TMEM108: variants seen among roughly 807,000 people sequenced by gnomAD.
TMEM108 encodes the protein cancer/testis antigen 124.
A neutral mutation model predicts 35.1 loss-of-function variants in TMEM108; 12 were observed. The ratio of observed to expected loss-of-function variants is 0.34; its 90% CI spans 0.22 to 0.55. The LOEUF (loss-of-function observed/expected upper bound fraction) is 0.55, where lower values mean the gene tolerates loss of function less well. TMEM108 is among the 20% of genes least tolerant of loss of function. The pLI is 0.89. For synonymous variants in TMEM108, 287 were observed against 308.6 expected (o/e 0.93, Z 0.73); for missense variants, 680 against 753.3 (o/e 0.90, Z 1.14).
At chr3:133,296,184 G>A (rs1314703133) in intron 3 of TMEM108, among the ~76,000 whole-genome samples, 3 of 152,088 alleles carry the variant, frequency 2.0e-5, no homozygotes, top group Admixed American at 6.6e-5. Flanking sequence ...TCATGTTTAA[G>A]TTTTCTAAAG....
intron 2 of TMEM108, among the ~76,000 whole-genome samples, chr3:133,149,342 A>C (rs928708551): frequency 6.6e-6 from 1 of 152,218 alleles, no homozygotes; most frequent in Admixed American, 6.5e-5. Flanking sequence ...CCATCACCTC[A>C]TATGCTCACC....
intron 2 of TMEM108, among the ~76,000 whole-genome samples, chr3:133,104,083 T>C (rs1448067165): frequency 6.6e-6 from 1 of 152,222 alleles, no homozygotes; most frequent in Non-Finnish European, 1.5e-5. Context: ...AAGGAGAAAG[T>C]ACTACTGGGT....
intron 2 of TMEM108, among the ~76,000 whole-genome samples, chr3:133,189,487 C>T (rs1316831484): frequency 6.6e-6 from 1 of 152,184 alleles, no homozygotes; most frequent in Admixed American, 6.6e-5. Context: ...TTGTTCCTGT[C>T]TACCAAGTCT....
chr3:133,202,510 T>A (rs1945685065), intron 2 of TMEM108, among the ~76,000 whole-genome samples: 2 of 152,230 alleles, frequency 1.3e-5, no homozygotes, highest in Non-Finnish European at 1.5e-5. Context: ...TTTCTGCATA[T>A]GGCTAGCTAG....
chr3:133,270,813 ACACACACT>A (rs1946760313), intron 3 of TMEM108, among the ~76,000 whole-genome samples: 1 of 150,822 alleles, frequency 6.6e-6, no homozygotes, highest in African/African-American at 2.4e-5. Flanking sequence ...ACACACACAC[ACACACACT>A]CACACACTCA....
At chr3:133,188,259 T>C (rs1164009187) in intron 2 of TMEM108, among the ~76,000 whole-genome samples, 2 of 152,182 alleles carry the variant, frequency 1.3e-5, no homozygotes, top group Non-Finnish European at 2.9e-5. Context: ...AGTGGTGTTG[T>C]AGTAGGATAA....
chr3:133,293,569 C>T (rs1947102690), intron 3 of TMEM108, among the ~76,000 whole-genome samples: 1 of 151,924 alleles, frequency 6.6e-6, no homozygotes, highest in African/African-American at 2.4e-5. Flanking sequence ...ATCTCACCAA[C>T]TTCCTGCCTT....
chr3:133,116,147 T>C (rs974290188), intron 2 of TMEM108, among the ~76,000 whole-genome samples: 1 of 152,186 alleles, frequency 6.6e-6, no homozygotes, highest in East Asian at 1.9e-4. Flanking sequence ...CATCATCTCA[T>C]CTCTTCTTAA....
At chr3:133,327,335 C>T (rs561182526) in intron 3 of TMEM108, among the ~76,000 whole-genome samples, 2 of 152,292 alleles carry the variant, frequency 1.3e-5, no homozygotes, top group East Asian at 3.9e-4. Flanking sequence ...AGGTCCCTGG[C>T]CTGGGCCTCA....
chr3:133,384,333 A>T (rs924171539), intron 4 of TMEM108, among the ~76,000 whole-genome samples: 2 of 152,182 alleles, frequency 1.3e-5, no homozygotes, highest in Non-Finnish European at 2.9e-5. Context: ...CAGAGTCAGA[A>T]TTCAGATGGG....
chr3:133,391,803 T>G (rs780108188), intron 5 of TMEM108, among the ~76,000 whole-genome samples: 5 of 152,190 alleles, frequency 3.3e-5, no homozygotes, highest in Non-Finnish European at 7.3e-5. Flanking sequence ...AGGCCTTCCT[T>G]AACCTGCCAG....
intron 3 of TMEM108, among the ~76,000 whole-genome samples, chr3:133,335,367 T>A (rs1473055758): frequency 1.3e-5 from 2 of 152,106 alleles, no homozygotes; most frequent in Non-Finnish European, 2.9e-5. Flanking sequence ...CAGAACAAGG[T>A]AGTAGTGGCA....
chr3:133,237,445 C>A (rs1470137762), intron 3 of TMEM108, among the ~76,000 whole-genome samples: 1 of 152,114 alleles, frequency 6.6e-6, no homozygotes, highest in African/African-American at 2.4e-5. Flanking sequence ...TTGTCCTATT[C>A]TCAGGTCTTC....
intron 2 of TMEM108, among the ~76,000 whole-genome samples, chr3:133,186,461 T>A (rs1945423062): frequency 6.6e-6 from 1 of 152,204 alleles, no homozygotes. Flanking sequence ...TGTAAACTGG[T>A]TTTAAAAGGC....
chr3:133,295,677 G>A (rs1947135966), intron 3 of TMEM108, among the ~76,000 whole-genome samples: 1 of 152,168 alleles, frequency 6.6e-6, no homozygotes, highest in African/African-American at 2.4e-5. Flanking sequence ...CTGATCCTGT[G>A]GGACATTGAG....
chr3:133,085,282 C>G (rs1290083110), intron 2 of TMEM108, among the ~76,000 whole-genome samples: 2 of 152,146 alleles, frequency 1.3e-5, no homozygotes, highest in Non-Finnish European at 2.9e-5. Context: ...TACCCCATTT[C>G]CTCTGCCTTA....
intron 3 of TMEM108, among the ~76,000 whole-genome samples, chr3:133,234,854 ATTG>A (rs1173513647): frequency 2.0e-5 from 3 of 152,160 alleles, no homozygotes; most frequent in Non-Finnish European, 2.9e-5. Context: ...AGAAAACCCC[ATTG>A]TCCTCTCAGC....
intron 3 of TMEM108, among the ~76,000 whole-genome samples, chr3:133,278,440 ATG>A (rs1946867198): frequency 6.6e-6 from 1 of 152,338 alleles, no homozygotes; most frequent in African/African-American, 2.4e-5. Flanking sequence ...GTTCTGAGAA[ATG>A]TGTGTAGGTG....
At chr3:133,383,879 A>G (rs912666629) in intron 4 of TMEM108, among the ~76,000 whole-genome samples, 1 of 152,184 alleles carries the variant, frequency 6.6e-6, no homozygotes, top group Non-Finnish European at 1.5e-5. Context: ...TCCACTATAC[A>G]CAAGGAGGCT....
Sources: allele counts gnomAD v4.1 joint callset (sites outside exome capture counted in the v4.1 genomes callset), GRCh38; gene constraint gnomAD v4.1.1; transcripts MANE v1.5; gene names NCBI Gene and HGNC (gene_info 2026-07-23, HGNC 2026-07-21).